The following PADI1 variants were observed in gnomAD, a reference collection of about 807,000 sequenced individuals.
The protein encoded by PADI1 is peptidyl arginine deiminase 1.
A neutral mutation model predicts 74.8 loss-of-function variants in PADI1; 65 were observed. The observed-to-expected ratio is 0.87, with a 90% CI of 0.71 to 1.07. PADI1 has a LOEUF of 1.07. Among genes scored for constraint, PADI1 ranks in the 50% least tolerant of loss-of-function variants. The probability of loss-of-function intolerance (pLI) is 0.00; values close to 1 mark genes in which losing one functional copy is unlikely to be tolerated. For missense variants in PADI1, 943 were observed against 854.0 expected, an observed-to-expected ratio of 1.10 and a Z score of -1.30; for synonymous variants, 371 against 336.2, an observed-to-expected ratio of 1.10 and a Z score of -1.13.
chr1:17,239,714 C>T lies in PADI1; in HGVS notation c.1563C>T (p.His521=). The part of the protein sequence containing the change: ...GEAAQFDGLK[H]QAKRSINEML... Reference sequence around the variant, plus strand: ...TTTCTCTTCTTGCAGGGTTAAAACACCAGGCAAAAAGAAGCATTAATGAGA... The same window carrying T: ...TTTCTCTTCTTGCAGGGTTAAAACATCAGGCAAAAAGAAGCATTAATGAGA... Residue 521 remains histidine (H), a synonymous_variant, in exon 14 of 16, where the codon CAC becomes CAT. Transcript: ENST00000375471. 1 of 1,613,688 alleles carries T rather than the reference C, an allele frequency of 6.2e-7. No individual in the cohort carries two copies. Among genetic ancestry groups the T allele is most frequent in the Non-Finnish European group, 8.5e-7 (1 of 1,179,600 alleles).
chr1:17,223,837 G>A, intron 3 of PADI1, 144 bp downstream of exon 3: 2 of 684,014 alleles, frequency 2.9e-6, no homozygotes, highest in Non-Finnish European at 5.1e-6. Context: ...GGGACCTTCT[G>A]TCCACTCTGG....
At chr1:17,223,783 A>C in intron 3 of PADI1, 90 bp downstream of exon 3, 1 of 1,056,826 alleles carries the variant, frequency 9.5e-7, no homozygotes, top group Admixed American at 2.0e-5. Context: ...GGAGTGGAAG[A>C]CCCATGGCCA....
chr1:17,226,125 G>A lies in PADI1; in HGVS notation c.619G>A (p.Asp207Asn). ...GCTTGTCTTGAACGTGCCCTTTTCT[G>A]ATTCCAAAAGAGTGAGGGTCTTCTG... ...HKLVLNVPFS[D>N]SKRVRVFCAR... The change falls in exon 6 of 16, where the codon GAT (aspartate) becomes AAT (asparagine). Residue 207 changes from aspartate to asparagine, a missense_variant. By Grantham distance (23) the Asp-to-Asn change is conservative. Transcript: ENST00000375471. 1 of 1,614,180 alleles carries A rather than the reference G, an allele frequency of 6.2e-7. No individual in the cohort carries two copies. The highest frequency in any genetic ancestry group is 8.5e-7 in the Non-Finnish European group (1 of 1,180,030).
chr1:17,238,762 T>C, intron 13 of PADI1, 53 bp downstream of exon 13: 1 of 934,062 alleles, frequency 1.1e-6, no homozygotes, highest in Non-Finnish European at 1.5e-6. Flanking sequence ...TTCATCACCA[T>C]CCTTGGGTAC....
At chr1:17,232,671 G>T (rs1488513710) in intron 10 of PADI1, 148 bp from the exon 11 acceptor site, 2 of 605,252 alleles carry the variant, frequency 3.3e-6, no homozygotes, top group Admixed American at 3.7e-5. Flanking sequence ...GGGGGGATTT[G>T]TAAAAAGTGG....
intron 1 of PADI1, among the ~76,000 whole-genome samples, chr1:17,208,081 GT>G (rs2071728119): frequency 6.6e-6 from 1 of 152,216 alleles, no homozygotes; most frequent in African/African-American, 2.4e-5. Context: ...CCTTCACCCA[GT>G]GTCTGACTCT....
chr1:17,240,478 C>G (rs960035119), intron 14 of PADI1, 157 bp from the exon 15 acceptor site: 2 of 754,964 alleles, frequency 2.6e-6, no homozygotes, highest in Non-Finnish European at 4.2e-6. Flanking sequence ...GCCTCAGTTT[C>G]CCCCGGACAG....
chr1:17,214,774 C>T (rs2071930087), intron 1 of PADI1, among the ~76,000 whole-genome samples: 3 of 152,218 alleles, frequency 2.0e-5, no homozygotes, highest in African/African-American at 4.8e-5. Context: ...TGACCAGGCC[C>T]ACAGATCTGG....
intron 2 of PADI1, 83 bp downstream of exon 2, chr1:17,222,553 T>C: frequency 1.9e-6 from 2 of 1,051,376 alleles, no homozygotes; most frequent in Non-Finnish European, 2.9e-6. Flanking sequence ...CAATTCCCAT[T>C]CCAAAGCTCC....
intron 8 of PADI1, among the ~76,000 whole-genome samples, 181 bp from the exon 9 acceptor site, chr1:17,229,904 C>G (rs532517746): frequency 6.6e-6 from 1 of 152,226 alleles, no homozygotes; most frequent in African/African-American, 2.4e-5. Context: ...TTGCACCTGT[C>G]ACCTGATGTG....
intron 14 of PADI1, 171 bp downstream of exon 14, chr1:17,239,954 T>C: frequency 1.6e-6 from 1 of 611,100 alleles, no homozygotes; most frequent in Non-Finnish European, 2.9e-6. Context: ...CACAGTCTGA[T>C]GGAAGAGACA....
intron 8 of PADI1, 86 bp from the exon 9 acceptor site, chr1:17,229,999 C>G: frequency 7.5e-7 from 1 of 1,330,192 alleles, no homozygotes; most frequent in Non-Finnish European, 1.0e-6. Context: ...AGAGGCTGCA[C>G]AGGGCCCAGC....
At chr1:17,215,378 TTCA>T (rs559907183) in intron 1 of PADI1, among the ~76,000 whole-genome samples, 1 of 148,330 alleles carries the variant, frequency 6.7e-6, no homozygotes, top group East Asian at 1.9e-4. Flanking sequence ...TCCCCCTTCT[TTCA>T]TCATCATCAT....
At chr1:17,230,433 C>A in intron 9 of PADI1, 139 bp from the exon 10 acceptor site, 1 of 723,368 alleles carries the variant, frequency 1.4e-6, no homozygotes, top group Middle Eastern at 3.8e-4. Context: ...TCCTAAGAGG[C>A]CTCACTTCTA....
chr1:17,240,826 C>T, intron 15 of PADI1, 66 bp downstream of exon 15: 1 of 1,566,048 alleles, frequency 6.4e-7, no homozygotes, highest in Non-Finnish European at 8.7e-7. Context: ...CACTCCCTGG[C>T]CCAGGGCAGG....
Position 17,233,096 on chromosome 1 carries a change from C to T in PADI1, c.1313+126C>T, listed in dbSNP as rs183515320. 5.5e-3 allele frequency: 5,197 copies of T among 936,632 alleles called. 26 individuals carry two copies. The highest frequency in any genetic ancestry group is 7.1e-3 in the Non-Finnish European group (4,663 of 659,128). 58.0% of individuals were successfully genotyped at this position (936,632 alleles called of 1,614,324 possible). ...TGATCTTAACTTCCTGCGTGGAATC[C>T]TGGAATCAAAGACTCGGCAACCTAG... On this transcript the variant is annotated intron_variant, in intron 11 of 15. Coordinates refer to ENST00000375471, the MANE Select transcript of PADI1 (RefSeq NM_013358.3).
At chr1:17,226,202 T>C (rs370542863) in intron 6 of PADI1, 44 bp downstream of exon 6, 15 of 1,600,512 alleles carry the variant, frequency 9.4e-6, no homozygotes, top group Non-Finnish European at 1.2e-5. Flanking sequence ...TCCATCCATA[T>C]CTATCCTCTC....
intron 13 of PADI1, 77 bp from the exon 14 acceptor site, chr1:17,239,627 G>C: frequency 9.0e-7 from 1 of 1,108,594 alleles, no homozygotes; most frequent in Non-Finnish European, 1.4e-6. Flanking sequence ...ATCCTGGCCT[G>C]GATTATGTAG....
At chr1:17,240,556 C>G (rs575374030) in intron 14 of PADI1, 79 bp from the exon 15 acceptor site, 160 of 1,515,798 alleles carry the variant, frequency 1.1e-4, no homozygotes, top group Non-Finnish European at 1.4e-4. Flanking sequence ...GGGCTCCACA[C>G]GGGCCCAGCG....
Sources: gnomAD v4.1 joint callset for allele counts (sites outside exome capture counted in the v4.1 genomes callset) on GRCh38, gnomAD v4.1.1 for gene constraint, MANE v1.5 for transcripts, NCBI Gene and HGNC (gene_info 2026-07-23, HGNC 2026-07-21) for gene names.